Variants in ERBB4 observed in about 807,000 individuals in gnomAD.
ERBB4 encodes receptor tyrosine-protein kinase erbB-4.
In ERBB4, 42 loss-of-function variants were observed where a neutral mutation model predicts 158.0. The ratio of observed to expected loss-of-function variants is 0.27; its 90% CI spans 0.21 to 0.34. The LOEUF is 0.34. ERBB4 is among the 10% of genes least tolerant of loss of function. The pLI is 1.00. For synonymous variants in ERBB4, 583 were observed against 558.7 expected (o/e 1.04, Z -0.61); for missense variants, 1,333 against 1,624.1 (o/e 0.82, Z 3.08).
At chr2:212,122,805 AT>A (rs1414672288) in intron 2 of ERBB4, among the ~76,000 whole-genome samples, 2 of 151,802 alleles carry the variant, frequency 1.3e-5, no homozygotes, top group Non-Finnish European at 2.9e-5. Flanking sequence ...ATTTTTATAT[AT>A]TATTTAATAT....
intron 1 of ERBB4, among the ~76,000 whole-genome samples, chr2:212,476,410 G>C (rs1263417000): frequency 6.6e-6 from 1 of 152,032 alleles, no homozygotes; most frequent in Non-Finnish European, 1.5e-5. Context: ...ACACGGCATA[G>C]AAATTTTAAA....
intron 20 of ERBB4, among the ~76,000 whole-genome samples, chr2:211,432,612 A>C (rs201148028): frequency 0.24 from 36,359 of 151,832 alleles, 4,996 homozygotes; most frequent in South Asian, 0.51. Flanking sequence ...GATCAAAAAA[A>C]AAAAAAAACA....
intron 2 of ERBB4, among the ~76,000 whole-genome samples, chr2:211,961,712 T>C (rs1305445006): frequency 6.6e-6 from 1 of 152,054 alleles, no homozygotes; most frequent in Admixed American, 6.6e-5. Context: ...TTGTTGGAAG[T>C]ACAAAAGACA....
chr2:211,443,662 G>A (rs1169938975), intron 20 of ERBB4, among the ~76,000 whole-genome samples: 1 of 152,034 alleles, frequency 6.6e-6, no homozygotes, highest in Non-Finnish European at 1.5e-5. Context: ...GGAATGAAGA[G>A]TGATTTCTGG....
chr2:212,142,104 C>T (rs2080498693), intron 1 of ERBB4, among the ~76,000 whole-genome samples: 1 of 152,134 alleles, frequency 6.6e-6, no homozygotes, highest in African/African-American at 2.4e-5. Flanking sequence ...TTTCAAAATG[C>T]TGATTATCAA....
chr2:212,296,904 C>G (rs915561865), intron 1 of ERBB4, among the ~76,000 whole-genome samples: 1 of 151,912 alleles, frequency 6.6e-6, no homozygotes, highest in Non-Finnish European at 1.5e-5. Flanking sequence ...CAGATAGACT[C>G]TCCTTCATGA....
At chr2:211,867,857 T>C (rs16847131) in intron 3 of ERBB4, among the ~76,000 whole-genome samples, 24,220 of 152,266 alleles carry the variant, frequency 0.16, 2,503 homozygotes, top group African/African-American at 0.29. Context: ...TGTTGCACTA[T>C]GTATGTTCAA....
rs138849086 is a variant in ERBB4 at position 211,389,572 on chromosome 2, A to G, written c.3136-1580T>C. Reference sequence around the variant, plus strand: ...TATGGTGGTATTAGAATATTTATCTATTTTCTTCTTTAGTAACATAACTAA... The same window carrying G: ...TATGGTGGTATTAGAATATTTATCTGTTTTCTTCTTTAGTAACATAACTAA... On this transcript the variant is annotated intron_variant, in intron 25 of 27. Coordinates refer to ENST00000342788, the MANE Select transcript of ERBB4 (RefSeq NM_005235.3). 4.1e-4 allele frequency among the ~76,000 whole-genome samples: 62 copies of G among 152,264 alleles called. No homozygotes were observed. The East Asian group carries it at 0.012, about 29-fold the overall frequency.
At position 212,217,169 on chromosome 2, in the gene ERBB4, A is replaced by G. The variant is rs562891506; in HGVS notation, c.83-92266T>C. Among the ~76,000 whole-genome samples the G allele has an allele frequency of 9.4e-4, 142 of 151,502 alleles. 1 individual carries two copies. The highest frequency in any genetic ancestry group is 3.3e-3 in the African/African-American group (136 of 41,492). ...ATTGACTGTTGTTTTGACAGTGAAA[A>G]AGGCAATGGATACTTGCTCTATTTT... On this transcript the variant is annotated intron_variant, in intron 1 of 27. Transcript: ENST00000342788.
At chr2:212,055,655 C>T (rs1038123021) in intron 2 of ERBB4, among the ~76,000 whole-genome samples, 4 of 152,244 alleles carry the variant, frequency 2.6e-5, no homozygotes, top group African/African-American at 7.2e-5. Context: ...ACTGCTGATA[C>T]CCAGGCGAAC....
chr2:212,066,481 A>G (rs979284393), intron 2 of ERBB4, among the ~76,000 whole-genome samples: 1 of 152,034 alleles, frequency 6.6e-6, no homozygotes, highest in African/African-American at 2.4e-5. Flanking sequence ...TAAAAGAAAC[A>G]TTGTCAAAGT....
At chr2:211,559,952 T>G (rs547462872) in intron 20 of ERBB4, among the ~76,000 whole-genome samples, 1 of 152,274 alleles carries the variant, frequency 6.6e-6, no homozygotes, top group African/African-American at 2.4e-5. Context: ...AAATAATTAT[T>G]TCTGCCTCCA....
intron 15 of ERBB4, among the ~76,000 whole-genome samples, chr2:211,660,392 A>G (rs1357439080): frequency 2.0e-5 from 3 of 152,198 alleles, no homozygotes; most frequent in African/African-American, 7.2e-5. Flanking sequence ...ACCTCAAAAG[A>G]TAGAGGGAAT....
In ERBB4 at chr2:211,705,521, A is replaced by G. The variant is rs529774954; in HGVS notation, c.1125-130T>C. 121 of 699,316 alleles carry G rather than the reference A, an allele frequency of 1.7e-4. No individual in the cohort carries two copies. In the African/African-American group the frequency reaches 1.9e-3, roughly 11 times the overall value. The allele number at this position is 699,316 out of a possible 1,614,324, so 43.3% of individuals were successfully genotyped here. A position where few individuals can be genotyped will look rare whatever the true frequency, so the allele number is the denominator to read the frequency against. On this transcript the variant is annotated intron_variant, in intron 9 of 27. Transcript: ENST00000342788. ...AGGGGTGTTATCAATGCATGTTTAAATTAATCTGTGCTAGATGTGGAGGAG... is the reference window on the plus strand; with the variant it reads ...AGGGGTGTTATCAATGCATGTTTAAGTTAATCTGTGCTAGATGTGGAGGAG...
intron 1 of ERBB4, among the ~76,000 whole-genome samples, chr2:212,406,505 T>G (rs533556507): frequency 1.3e-5 from 2 of 152,308 alleles, no homozygotes; most frequent in Admixed American, 1.3e-4. Flanking sequence ...TTATGTGCTG[T>G]TACAAATTGC....
chr2:211,854,548 C>G (rs79578622), intron 3 of ERBB4, among the ~76,000 whole-genome samples: 1 of 152,028 alleles, frequency 6.6e-6, no homozygotes, highest in African/African-American at 2.4e-5. Context: ...TTAGTTTTAC[C>G]TAATTGTAAA....
Position 211,713,644 on chromosome 2 carries a change from G to C in ERBB4, c.888C>G (p.Asn296Lys), listed in dbSNP as rs2073790313. 1 of 1,496,672 alleles carries C rather than the reference G, an allele frequency of 6.7e-7. No homozygotes were observed. The highest frequency in any genetic ancestry group is 9.2e-7 in the Non-Finnish European group (1 of 1,084,980). The allele number at this position is 1,496,672 out of a possible 1,614,324, so 92.7% of individuals were successfully genotyped here. Reference protein sequence around the residue: ...GAFCVKKCPHNFVVDSSSCVR... With the variant: ...GAFCVKKCPHKFVVDSSSCVR... Reference sequence around the variant, plus strand: ...CACAAGAACTGGAATCTACCACAAAGTTATCTGATTAAAAAAAAAAAAAAG... The same window carrying C: ...CACAAGAACTGGAATCTACCACAAACTTATCTGATTAAAAAAAAAAAAAAG... Residue 296 changes from asparagine (N) to lysine (K), a missense_variant, in exon 8 of 28, where the codon AAC becomes AAG. Asn to Lys is a moderately conservative substitution (Grantham distance 94). This residue lies in a region of ERBB4 where 438 missense variants were observed against 586.9 expected (regional missense o/e 0.75). Transcript: ENST00000342788.
chr2:211,597,176 G>C (rs150773802), intron 19 of ERBB4, among the ~76,000 whole-genome samples: 1 of 152,076 alleles, frequency 6.6e-6, no homozygotes, highest in African/African-American at 2.4e-5. Context: ...AGAGAGGAGG[G>C]TTAGGAAAAA....
chr2:212,513,203 C>G (rs1691623812), intron 1 of ERBB4, among the ~76,000 whole-genome samples: 1 of 151,998 alleles, frequency 6.6e-6, no homozygotes. Flanking sequence ...CTCCTGATGC[C>G]TTTACTGGTA....
Sources: allele counts gnomAD v4.1 joint callset (sites outside exome capture counted in the v4.1 genomes callset), GRCh38; gene constraint gnomAD v4.1.1; regional missense constraint gnomAD v4.1.1; transcripts MANE v1.5; gene names NCBI Gene and HGNC (gene_info 2026-07-23, HGNC 2026-07-21).